Variants in DNAH9 observed in about 807,000 individuals in gnomAD.
DNAH9 encodes the protein dynein axonemal heavy chain 9.
DNAH9 carries 345 observed loss-of-function variants against 471.6 expected under a neutral mutation model. The ratio of observed to expected loss-of-function variants is 0.73; its 90% confidence interval spans 0.67 to 0.80. The LOEUF is 0.80. DNAH9 is among the 30% of genes least tolerant of loss of function. The pLI, the probability that DNAH9 is intolerant of heterozygous loss-of-function variation, is 0.00. For synonymous variants in DNAH9, 2,093 were observed against 2,123.6 expected (o/e 0.99, Z 0.40); for missense variants, 5,407 against 5,609.2 (o/e 0.96, Z 1.15).
chr17:11,825,244 A>C (rs1212254489), intron 48 of DNAH9, among the ~76,000 whole-genome samples: 3 of 152,312 alleles, frequency 2.0e-5, no homozygotes, highest in South Asian at 2.1e-4. Context: ...AATCTGTAGC[A>C]AACAGCATAG....
rs371080392 is a variant in DNAH9, at chr17:11,871,790, C to G, written c.10242+4C>G. ...GCCCTACCTGAGCCAGCTGAAAGTA[C>G]GTATGGCCTGAATTTCTCCCGACCA... On this transcript the variant is annotated splice_donor_region_variant and intron_variant, in intron 52 of 68. Transcript: ENST00000262442. 1.3e-5 allele frequency: 21 copies of G among 1,613,266 alleles called. No individual in the cohort carries two copies. The highest frequency in any genetic ancestry group is 3.3e-5 in the Admixed American group (2 of 59,934).
Position 11,871,783 on chromosome 17 carries a change from G to A in DNAH9, c.10239G>A (p.Leu3413=). 1 of 1,613,958 alleles carries A rather than the reference G, an allele frequency of 6.2e-7. No homozygotes were observed. Among genetic ancestry groups the A allele is most frequent in the Non-Finnish European group, 8.5e-7 (1 of 1,179,876 alleles). The change falls in exon 52 of 69, where the codon CTG becomes CTA. Residue 3413 remains leucine, a synonymous_variant. Coordinates refer to ENST00000262442, the MANE Select transcript of DNAH9 (RefSeq NM_001372.4). The stretch of plus-strand genomic sequence containing the variant: ...CTTGGAGGCCCTACCTGAGCCAGCT[G>A]AAAGTACGTATGGCCTGAATTTCTC... ...DRTWRPYLSQ[L]KTPIPVTPAL...
chr17:11,700,322 G>A (rs939598234), intron 23 of DNAH9, among the ~76,000 whole-genome samples: 40 of 152,142 alleles, frequency 2.6e-4, no homozygotes, highest in Middle Eastern at 6.8e-3. Context: ...TCCCCTCTCT[G>A]CACAAATGTG....
chr17:11,762,321 A>G (rs1235108665), intron 35 of DNAH9, among the ~76,000 whole-genome samples: 9 of 152,126 alleles, frequency 5.9e-5, no homozygotes, highest in African/African-American at 2.4e-5. Context: ...TGAACACTTC[A>G]TCCTGTGGGA....
intron 6 of DNAH9, among the ~76,000 whole-genome samples, chr17:11,621,925 CA>C (rs67785417): frequency 0.99 from 149,104 of 150,850 alleles, 73,705 homozygotes; most frequent in South Asian, 1. Context: ...ACTAAAAATA[CA>C]AAAAAAAAAA....
At chr17:11,640,069 C>G (rs781139840) in intron 9 of DNAH9, among the ~76,000 whole-genome samples, 1 of 152,174 alleles carries the variant, frequency 6.6e-6, no homozygotes, top group Non-Finnish European at 1.5e-5. Context: ...GACCCAGGTC[C>G]CCTGAGGCTG....
intron 50 of DNAH9, among the ~76,000 whole-genome samples, chr17:11,868,838 G>A (rs918411627): frequency 6.6e-6 from 1 of 152,062 alleles, no homozygotes; most frequent in Non-Finnish European, 1.5e-5. Flanking sequence ...TCAACACCTC[G>A]ATGACTGCGG....
intron 66 of DNAH9, among the ~76,000 whole-genome samples, chr17:11,939,586 G>C (rs1974830155): frequency 6.6e-6 from 1 of 152,110 alleles, no homozygotes. Flanking sequence ...CTTCCTTCCT[G>C]TCCACACCGC....
chr17:11,873,296 A>T lies in DNAH9; in HGVS notation c.10242+1510A>T, dbSNP rs558720055. 3 of 152,274 alleles carry T rather than the reference A, an allele frequency of 2.0e-5. No homozygotes were observed. In the South Asian group the frequency reaches 6.2e-4, roughly 32 times the overall value. 9.4% of individuals were successfully genotyped at this position (152,274 alleles called of 1,614,324 possible). A position where few individuals can be genotyped will look rare whatever the true frequency, so the allele number is the denominator to read the frequency against. On this transcript the variant is annotated intron_variant, in intron 52 of 68. Coordinates refer to ENST00000262442, the MANE Select transcript of DNAH9 (RefSeq NM_001372.4). ...ATTCTTAAGCTTTTTTGTGTCATGG[A>T]CGTCTTTGGCAGTCTGGTGAGACCT...
At chr17:11,879,418 G>C (rs2150993588) in intron 53 of DNAH9, among the ~76,000 whole-genome samples, 1 of 151,994 alleles carries the variant, frequency 6.6e-6, no homozygotes, top group Admixed American at 6.6e-5. Flanking sequence ...TTAACTTTAA[G>C]ATCTTTGGTT....
chr17:11,627,933 G>T (rs369801153), intron 6 of DNAH9, among the ~76,000 whole-genome samples: 1 of 152,216 alleles, frequency 6.6e-6, no homozygotes, highest in East Asian at 1.9e-4. Context: ...CAGGCAGCCT[G>T]TGCCAGCCTG....
Position 11,892,754 on chromosome 17 carries a change from A to G in DNAH9, c.11283+807A>G, listed in dbSNP as rs1973090442. ...TTTTAAGTAGAGATGGGGTTTCACC[A>G]TATTGGCCAGGCTCGTCTCAAACTC... On this transcript the variant is annotated intron_variant, in intron 58 of 68. Coordinates refer to ENST00000262442, the MANE Select transcript of DNAH9 (RefSeq NM_001372.4). This position sits in a 1 kb window ranked among gnomAD's most constrained non-coding sequence, Gnocchi z 4.3. 6.6e-6 allele frequency among the ~76,000 whole-genome samples: 1 copy of G among 151,998 alleles called. No individual in the cohort carries two copies. The highest frequency in any genetic ancestry group is 1.5e-5 in the Non-Finnish European group (1 of 67,988).
At chr17:11,624,584 T>C (rs186757237) in intron 6 of DNAH9, among the ~76,000 whole-genome samples, 20 of 152,200 alleles carry the variant, frequency 1.3e-4, no homozygotes, top group Admixed American at 1.0e-3. Flanking sequence ...ATCTGATACA[T>C]AAATGAGCTC....
chr17:11,870,555 G>A (rs1214269736), intron 51 of DNAH9, among the ~76,000 whole-genome samples: 1 of 152,230 alleles, frequency 6.6e-6, no homozygotes, highest in Non-Finnish European at 1.5e-5. Context: ...GTGTGTCTGT[G>A]CAGTTGTCAC....
chr17:11,910,348 T>A (rs763352863), intron 61 of DNAH9, among the ~76,000 whole-genome samples: 3 of 152,188 alleles, frequency 2.0e-5, no homozygotes, highest in Non-Finnish European at 2.9e-5. Context: ...TTTGGCATAA[T>A]ATTTTCAAGG....
intron 45 of DNAH9, among the ~76,000 whole-genome samples, chr17:11,821,047 C>T (rs1049302163): frequency 1.3e-5 from 2 of 152,014 alleles, no homozygotes; most frequent in South Asian, 4.1e-4. Context: ...TTTGGGAGGC[C>T]GAGGCGGGTG....
intron 48 of DNAH9, among the ~76,000 whole-genome samples, chr17:11,827,453 G>A (rs569247639): frequency 2.6e-5 from 4 of 152,228 alleles, no homozygotes; most frequent in Admixed American, 6.5e-5. Context: ...GAGTTGGGGA[G>A]GAGGTGCCAC....
Position 11,689,892 on chromosome 17 carries a change from C to T in DNAH9, c.4070C>T (p.Thr1357Ile), listed in dbSNP as rs1184434050. The T allele has an allele frequency of 3.1e-6, 5 of 1,608,086 alleles. No individual in the cohort carries two copies. The highest frequency in any genetic ancestry group is 1.3e-5 in the African/African-American group (1 of 74,812). Residue 1357 changes from threonine (T) to isoleucine (I), a missense_variant, in exon 20 of 69, where the codon ACA becomes ATA. Thr to Ile is a moderately conservative substitution (Grantham distance 89). This residue lies in a region of DNAH9 where 4,636 missense variants were observed against 4,900.3 expected (regional missense o/e 0.95). Coordinates refer to ENST00000262442, the MANE Select transcript of DNAH9 (RefSeq NM_001372.4). Reference protein sequence around the residue: ...DKEVRAWDAFTGLESTVWNTL... With the variant: ...DKEVRAWDAFIGLESTVWNTL... ...GAGGTCAGGGCCTGGGATGCATTCA[C>T]AGGCCTGGAAAGCACTGTGTGGAAC... is the stretch of plus-strand genomic sequence containing the variant.
intron 61 of DNAH9, among the ~76,000 whole-genome samples, chr17:11,919,041 A>G (rs1347715395): frequency 6.6e-6 from 1 of 152,172 alleles, no homozygotes; most frequent in Non-Finnish European, 1.5e-5. Context: ...TGGGATTTAA[A>G]TGACAGTTAA....
Sources: allele counts gnomAD v4.1 joint callset (sites outside exome capture counted in the v4.1 genomes callset), GRCh38; gene constraint gnomAD v4.1.1; regional missense constraint gnomAD v4.1.1; non-coding constraint Gnocchi (gnomAD v3.1); transcripts MANE v1.5; gene names NCBI Gene and HGNC (gene_info 2026-07-23, HGNC 2026-07-21).